LRRC75A: variants seen among roughly 807,000 people sequenced by gnomAD.
LRRC75A encodes leucine rich repeat containing 75A.
Under a neutral mutation model 26.0 loss-of-function variants are expected in LRRC75A, and 12 were observed. The observed-to-expected ratio is 0.46, with a 90% confidence interval of 0.30 to 0.75. LRRC75A has a LOEUF of 0.75. Among genes scored for constraint, LRRC75A ranks in the 30% least tolerant of loss-of-function variants. The probability of loss-of-function intolerance (pLI) is 0.08; values close to 1 mark genes in which losing one functional copy is unlikely to be tolerated. For missense variants in LRRC75A, 410 were observed against 486.6 expected, an observed-to-expected ratio of 0.84 and a Z score of 1.48; for synonymous variants, 223 against 219.3, an observed-to-expected ratio of 1.02 and a Z score of -0.15.
At chr17:16,467,516 C>A (rs1374630844) in intron 1 of LRRC75A, among the ~76,000 whole-genome samples, 1 of 152,186 alleles carries the variant, frequency 6.6e-6, no homozygotes, top group African/African-American at 2.4e-5. Flanking sequence ...TGTTTCCCCC[C>A]AGGAGGAATA....
At chr17:16,480,626 T>G (rs2093831399) in intron 1 of LRRC75A, among the ~76,000 whole-genome samples, 1 of 112,786 alleles carries the variant, frequency 8.9e-6, no homozygotes, top group South Asian at 2.5e-4. Flanking sequence ...CGAGACTTCG[T>G]CTCAAAAAAA....
chr17:16,443,283 A>G lies in LRRC75A; in HGVS notation c.*305T>C. On this transcript the variant is annotated 3_prime_UTR_variant, in exon 4 of 4. Transcript: ENST00000470794. ...GCTCAGGCTTACAGTACCTCCAGCC[A>G]TGTGCCCATTTCCACAAGTCTTTGG... 1 of 380,116 alleles carries G rather than the reference A, an allele frequency of 2.6e-6. No individual in the cohort carries two copies. Among genetic ancestry groups the G allele is most frequent in the Non-Finnish European group, 4.7e-6 (1 of 210,760 alleles). 23.5% of individuals were successfully genotyped at this position (380,116 alleles called of 1,614,324 possible).
intron 2 of LRRC75A, among the ~76,000 whole-genome samples, chr17:16,449,792 T>C (rs1433643652): frequency 6.6e-6 from 1 of 152,116 alleles, no homozygotes; most frequent in East Asian, 1.9e-4. Context: ...AGTTTTTGTA[T>C]TTTTAGTAGA....
intron 1 of LRRC75A, among the ~76,000 whole-genome samples, chr17:16,476,928 CG>C (rs1164748158): frequency 5.9e-5 from 9 of 151,392 alleles, no homozygotes; most frequent in African/African-American, 1.2e-4. Flanking sequence ...TTAGTAGAGA[CG>C]GGGTTTCACC....
At chr17:16,453,097 T>C (rs894788544) in intron 2 of LRRC75A, among the ~76,000 whole-genome samples, 14 of 152,068 alleles carry the variant, frequency 9.2e-5, no homozygotes, top group Admixed American at 6.6e-5. Context: ...GACACCAGCC[T>C]GTCCAATATG....
At chr17:16,478,210 T>C (rs1363963842) in intron 1 of LRRC75A, among the ~76,000 whole-genome samples, 1 of 149,380 alleles carries the variant, frequency 6.7e-6, no homozygotes, top group East Asian at 2.0e-4. Flanking sequence ...TTTTTTGAGA[T>C]GGAGTCTTGC....
chr17:16,481,177 G>A (rs1264610766), intron 1 of LRRC75A, among the ~76,000 whole-genome samples: 5 of 152,200 alleles, frequency 3.3e-5, no homozygotes, highest in South Asian at 2.1e-4. Context: ...TGATGGCAGC[G>A]AGCCAGGACC....
In LRRC75A at chr17:16,462,440, C is replaced by T. The variant is rs2093735245; in HGVS notation, c.247-54G>A. ...AGGGCTGGCTGCCCACCCAGCTCGC[C>T]CACCATCCCCAAGAGAAGTAGGCAC... On this transcript the variant is annotated intron_variant, in intron 1 of 3. Coordinates refer to ENST00000470794, the MANE Select transcript of LRRC75A (RefSeq NM_001113567.3). This position sits in a 1 kb window ranked among gnomAD's most constrained non-coding sequence, Gnocchi z 4.6. The T allele has an allele frequency of 6.2e-7, 1 of 1,606,912 alleles. No individual in the cohort carries two copies. Among genetic ancestry groups the T allele is most frequent in the Non-Finnish European group, 8.5e-7 (1 of 1,178,044 alleles).
intron 2 of LRRC75A, among the ~76,000 whole-genome samples, chr17:16,459,974 G>A (rs2093715162): frequency 6.6e-6 from 1 of 152,218 alleles, no homozygotes; most frequent in African/African-American, 2.4e-5. Context: ...GTTACACCAT[G>A]CAATGGACTG....
chr17:16,456,693 G>A (rs112356937), intron 2 of LRRC75A, among the ~76,000 whole-genome samples: 2,995 of 152,294 alleles, frequency 0.02, 49 homozygotes, highest in Admixed American at 0.052. Flanking sequence ...CCTCTGCACC[G>A]TGCTTATCTA....
chr17:16,456,184 AGAGGAGGAAGGAGGAGGAAGAG>A lies in LRRC75A; in HGVS notation c.375+6052_375+6073del, dbSNP rs1231397139. On this transcript the variant is annotated intron_variant, in intron 2 of 3. Coordinates refer to ENST00000470794, the MANE Select transcript of LRRC75A (RefSeq NM_001113567.3). ...AGGAAGAGGAGGGGTAGGAGGAGGA[AGAGGAGGAAGGAGGAGGAAGAG>A]GAGGAGGAAGAGGAGGAAGAAGAGG... Among the ~76,000 whole-genome samples the A allele has an allele frequency of 5.4e-3, 543 of 100,470 alleles. 27 individuals carry two copies. Among genetic ancestry groups the A allele is most frequent in the African/African-American group, 0.021 (498 of 23,178 alleles). 65.9% of individuals were successfully genotyped at this position (100,470 alleles called of 152,430 possible). A position where few individuals can be genotyped will look rare whatever the true frequency, so the allele number is the denominator to read the frequency against.
At chr17:16,471,333 T>C (rs909915976) in intron 1 of LRRC75A, among the ~76,000 whole-genome samples, 3 of 152,148 alleles carry the variant, frequency 2.0e-5, no homozygotes, top group African/African-American at 7.2e-5. Context: ...CTCCAAACCA[T>C]GAGAGAATAT....
chr17:16,453,661 ACT>A (rs1403555371), intron 2 of LRRC75A, among the ~76,000 whole-genome samples: 1 of 152,146 alleles, frequency 6.6e-6, no homozygotes, highest in Non-Finnish European at 1.5e-5. Flanking sequence ...TCCTCTGAGC[ACT>A]GTTTGCATGA....
At chr17:16,458,195 T>C (rs2093699746) in intron 2 of LRRC75A, among the ~76,000 whole-genome samples, 1 of 151,834 alleles carries the variant, frequency 6.6e-6, no homozygotes, top group Admixed American at 6.6e-5. Context: ...AATCCCAAGC[T>C]ACTTGGGAGG....
chr17:16,488,541 G>T (rs1452731876), intron 1 of LRRC75A, among the ~76,000 whole-genome samples: 1 of 152,202 alleles, frequency 6.6e-6, no homozygotes, highest in Non-Finnish European at 1.5e-5. Context: ...CATTTGCTGT[G>T]CTCAGTACCC....
intron 2 of LRRC75A, among the ~76,000 whole-genome samples, chr17:16,454,333 A>C (rs796572751): frequency 1.1e-4 from 16 of 151,446 alleles, no homozygotes; most frequent in Middle Eastern, 3.5e-3. Context: ...TGGAGGGTCC[A>C]GTGAGCCGAG....
At chr17:16,460,957 T>A (rs1279534197) in intron 2 of LRRC75A, 1 of 152,606 alleles carries the variant, frequency 6.6e-6, no homozygotes. Flanking sequence ...TCCCTGTGGC[T>A]CCTGGCACCA....
Position 16,465,019 on chromosome 17 carries a change from G to C in LRRC75A, c.247-2633C>G, listed in dbSNP as rs1338902609. Among the ~76,000 whole-genome samples the C allele has an allele frequency of 2.6e-5, 4 of 152,354 alleles. No homozygotes were observed. The East Asian group carries it at 5.8e-4, about 22-fold the overall frequency. On this transcript the variant is annotated intron_variant, in intron 1 of 3. Coordinates refer to ENST00000470794, the MANE Select transcript of LRRC75A (RefSeq NM_001113567.3). ...GGAGCTGGAGAAGGAGGGCAGATGA[G>C]GTGGAAACAGAGGGGTGGTTATTCC...
chr17:16,462,796 C>A lies in LRRC75A; in HGVS notation c.247-410G>T. The A allele has an allele frequency of 5.5e-6, 1 of 182,926 alleles. No individual in the cohort carries two copies. The highest frequency in any genetic ancestry group is 1.1e-4 in the South Asian group (1 of 8,706). 11.3% of individuals were successfully genotyped at this position (182,926 alleles called of 1,614,324 possible). A position where few individuals can be genotyped will look rare whatever the true frequency, so the allele number is the denominator to read the frequency against. On this transcript the variant is annotated intron_variant, in intron 1 of 3. Transcript: ENST00000470794. The surrounding 1 kb of genome is among the most constrained non-coding windows in gnomAD (Gnocchi z 4.6). ...TAATGATATTTATTTGTGTTTTCTT[C>A]CTGCTTCTGACGTTGTTTTTACTGC...
Sources: allele counts gnomAD v4.1 joint callset (sites outside exome capture counted in the v4.1 genomes callset), GRCh38; gene constraint gnomAD v4.1.1; non-coding constraint Gnocchi (gnomAD v3.1); transcripts MANE v1.5; gene names NCBI Gene and HGNC (gene_info 2026-07-23, HGNC 2026-07-21).